AK8: variants seen among roughly 807,000 people sequenced by gnomAD.
The protein encoded by AK8 is adenylate kinase 8.
A neutral mutation model predicts 54.6 loss-of-function variants in AK8; 44 were observed. That is an observed-to-expected ratio of 0.81 (90% CI 0.63 to 1.04). The LOEUF (loss-of-function observed/expected upper bound fraction) is 1.04. AK8 is among the 50% of genes least tolerant of loss of function. The pLI is 0.00. For synonymous variants in AK8, 239 were observed against 245.6 expected (o/e 0.97, Z 0.25); for missense variants, 555 against 613.6 (o/e 0.90, Z 1.01).
At chr9:132,843,197 G>A (rs214626) in intron 5 of AK8, among the ~76,000 whole-genome samples, 30,231 of 152,044 alleles carry the variant, frequency 0.2, 3,309 homozygotes, top group East Asian at 0.44. Context: ...GGAGGTGTTT[G>A]GATCATGGGG....
At chr9:132,870,792 G>A (rs1025809057) in intron 2 of AK8, among the ~76,000 whole-genome samples, 1 of 152,228 alleles carries the variant, frequency 6.6e-6, no homozygotes, top group African/African-American at 2.4e-5. Flanking sequence ...GTTACCCCAG[G>A]CCGCTGCATG....
chr9:132,864,164 T>C (rs1843499998), intron 3 of AK8, among the ~76,000 whole-genome samples: 1 of 152,194 alleles, frequency 6.6e-6, no homozygotes, highest in Non-Finnish European at 1.5e-5. Flanking sequence ...GTGTTCTTTT[T>C]TTTTTCTTAA....
At chr9:132,743,995 G>A (rs556251254) in intron 11 of AK8, among the ~76,000 whole-genome samples, 1 of 152,226 alleles carries the variant, frequency 6.6e-6, no homozygotes, top group Non-Finnish European at 1.5e-5. Flanking sequence ...GATCAGGAGA[G>A]GGACAGTGAA....
rs543916381 is a variant in AK8, at chr9:132,749,571, T to C, written c.1122-22037A>G. Among the ~76,000 whole-genome samples the C allele has an allele frequency of 2.0e-5, 3 of 152,030 alleles. No individual in the cohort carries two copies. In the South Asian group the frequency reaches 6.2e-4, roughly 32 times the overall value. The stretch of plus-strand genomic sequence containing the variant: ...TTATGGATGAGGCAGCTTGCCCCGA[T>C]ATCGGCTGGTGAGTGACCCAGAAGA... On this transcript the variant is annotated intron_variant, in intron 11 of 12. Transcript: ENST00000298545.
At chr9:132,739,344 A>G (rs1837259455) in intron 11 of AK8, among the ~76,000 whole-genome samples, 2 of 146,564 alleles carry the variant, frequency 1.4e-5, no homozygotes, top group Admixed American at 7.0e-5. Flanking sequence ...TGGGAGACTG[A>G]GGCAGGAGAA....
chr9:132,840,752 T>C (rs1842510443), intron 5 of AK8, among the ~76,000 whole-genome samples: 1 of 151,960 alleles, frequency 6.6e-6, no homozygotes, highest in South Asian at 2.1e-4. Context: ...AATTAGTCAG[T>C]TGTGGTGGCA....
intron 5 of AK8, among the ~76,000 whole-genome samples, chr9:132,840,848 G>A (rs915659545): frequency 1.3e-5 from 2 of 151,966 alleles, no homozygotes; most frequent in South Asian, 2.1e-4. Flanking sequence ...AGCCGAGATC[G>A]CGCCAAAAAA....
chr9:132,760,187 A>ATT (rs747942992), intron 11 of AK8, among the ~76,000 whole-genome samples: 2 of 144,988 alleles, frequency 1.4e-5, no homozygotes, highest in African/African-American at 5.0e-5. Context: ...TACGTTGTTA[A>ATT]TTTTTTTTTT....
At chr9:132,840,881 GTAGATCA>G (rs953899631) in intron 5 of AK8, among the ~76,000 whole-genome samples, 4 of 152,112 alleles carry the variant, frequency 2.6e-5, no homozygotes, top group African/African-American at 9.7e-5. Context: ...GATGTTGCTG[GTAGATCA>G]TAAACCCACC....
chr9:132,797,224 G>A (rs947700834), intron 10 of AK8, among the ~76,000 whole-genome samples: 1 of 142,576 alleles, frequency 7.0e-6, no homozygotes, highest in African/African-American at 2.5e-5. Context: ...GATCCCCCCA[G>A]TAGGGTCAGG....
chr9:132,851,049 G>A (rs1033797108), intron 5 of AK8, among the ~76,000 whole-genome samples: 6 of 152,202 alleles, frequency 3.9e-5, no homozygotes, highest in African/African-American at 1.4e-4. Context: ...CCAGTAGTAG[G>A]CAAGTTGGGG....
intron 5 of AK8, among the ~76,000 whole-genome samples, chr9:132,838,346 C>T (rs1214745212): frequency 6.6e-6 from 1 of 152,182 alleles, no homozygotes; most frequent in Non-Finnish European, 1.5e-5. Flanking sequence ...AGTGAAAGAA[C>T]CAAGTTTCCA....
intron 11 of AK8, among the ~76,000 whole-genome samples, chr9:132,783,314 T>C (rs1839560034): frequency 6.6e-6 from 1 of 152,184 alleles, no homozygotes; most frequent in Non-Finnish European, 1.5e-5. Context: ...GATTTTGCCC[T>C]AGAGCCTCCA....
chr9:132,773,814 G>A (rs1267036093), intron 11 of AK8, among the ~76,000 whole-genome samples: 1 of 152,188 alleles, frequency 6.6e-6, no homozygotes, highest in African/African-American at 2.4e-5. Flanking sequence ...GGCAAGAAGA[G>A]GCATCAGGGG....
intron 4 of AK8, 90 bp from the exon 5 acceptor site, chr9:132,855,015 T>G (rs1274057494): frequency 1.4e-6 from 2 of 1,403,262 alleles, no homozygotes; most frequent in African/African-American, 1.4e-5. Context: ...ACCAACGCCC[T>G]GGCCTCTGGA....
intron 1 of AK8, among the ~76,000 whole-genome samples, chr9:132,875,527 C>T (rs1342055743): frequency 6.6e-6 from 1 of 152,246 alleles, no homozygotes; most frequent in Non-Finnish European, 1.5e-5. Context: ...CAAGCATCAC[C>T]ATTCCCCTCA....
chr9:132,849,768 GAC>G (rs1842894451), intron 5 of AK8, among the ~76,000 whole-genome samples: 1 of 152,172 alleles, frequency 6.6e-6, no homozygotes, highest in African/African-American at 2.4e-5. Flanking sequence ...ATATTTTTGA[GAC>G]AGGGTCTTGC....
chr9:132,777,913 A>G (rs1462136871), intron 11 of AK8, among the ~76,000 whole-genome samples: 4 of 152,242 alleles, frequency 2.6e-5, no homozygotes, highest in Non-Finnish European at 5.9e-5. Flanking sequence ...CACTGTGGAA[A>G]CAATGGCCAT....
intron 11 of AK8, among the ~76,000 whole-genome samples, chr9:132,774,701 C>T (rs888282315): frequency 6.6e-5 from 10 of 152,112 alleles, no homozygotes; most frequent in African/African-American, 2.4e-4. Context: ...AAAATGGGGG[C>T]GTCTCCATCA....
Sources: gnomAD v4.1 joint callset for allele counts (sites outside exome capture counted in the v4.1 genomes callset) on GRCh38, gnomAD v4.1.1 for gene constraint, MANE v1.5 for transcripts, NCBI Gene and HGNC (gene_info 2026-07-23, HGNC 2026-07-21) for gene names.